The following LARGE1 variants were observed in gnomAD, a reference collection of about 807,000 sequenced individuals.
LARGE1 encodes the protein LARGE xylosyl- and glucuronyltransferase 1, also known as xylosyl- and glucuronyltransferase LARGE1.
Under a neutral mutation model 87.6 loss-of-function variants are expected in LARGE1, and 43 were observed. The observed-to-expected ratio is 0.49, with a 90% CI of 0.38 to 0.63. The LOEUF (loss-of-function observed/expected upper bound fraction) is 0.63, where lower values mean the gene tolerates loss of function less well. LARGE1 is among the 30% of genes least tolerant of loss of function. The pLI, the probability that LARGE1 is intolerant of heterozygous loss-of-function variation, is 0.00. For missense variants in LARGE1, 802 were observed against 1,000.2 expected (o/e 0.80, Z 2.67); for synonymous variants, 434 against 394.6 (o/e 1.10, Z -1.18).
intron 2 of LARGE1, among the ~76,000 whole-genome samples, chr22:33,705,531 C>T (rs1387161410): frequency 6.6e-6 from 1 of 152,204 alleles, no homozygotes; most frequent in East Asian, 1.9e-4. Context: ...TCCAATACCA[C>T]ACAATGCTCA....
chr22:33,102,980 G>A, the LARGE1 span, among the ~76,000 whole-genome samples: 1 of 152,106 alleles, frequency 6.6e-6, no homozygotes, highest in African/African-American at 2.4e-5. Flanking sequence ...GATCTTGGAG[G>A]TTGTGGTATG....
At chr22:33,151,010 G>A in the LARGE1 span, among the ~76,000 whole-genome samples, 4 of 151,922 alleles carry the variant, frequency 2.6e-5, no homozygotes, top group South Asian at 8.3e-4. Context: ...TTTGAGAGGC[G>A]GTGCATTAAA....
intron 2 of LARGE1, among the ~76,000 whole-genome samples, chr22:33,691,716 T>C (rs943674484): frequency 2.0e-5 from 3 of 152,190 alleles, no homozygotes; most frequent in Non-Finnish European, 2.9e-5. Context: ...TGAATCCACT[T>C]AACAATTAGC....
chr22:33,738,597 C>T (rs747742911), intron 2 of LARGE1, among the ~76,000 whole-genome samples: 21 of 152,282 alleles, frequency 1.4e-4, no homozygotes, highest in East Asian at 3.9e-4. Context: ...CGGTGGCTCA[C>T]GCCTGTAATC....
intron 1 of LARGE1, among the ~76,000 whole-genome samples, chr22:33,912,554 C>A (rs2146967659): frequency 6.6e-6 from 1 of 152,254 alleles, no homozygotes; most frequent in African/African-American, 2.4e-5. Flanking sequence ...CCATCTCCAT[C>A]TGCGTCTGCT....
At chr22:33,617,670 C>T (rs532011460) in intron 4 of LARGE1, among the ~76,000 whole-genome samples, 1 of 152,170 alleles carries the variant, frequency 6.6e-6, no homozygotes, top group Non-Finnish European at 1.5e-5. Flanking sequence ...AGAGTGGTCC[C>T]ACATAGCATG....
At chr22:33,220,504 A>C (rs5998819) in intron 11 of LARGE1, among the ~76,000 whole-genome samples, 4,018 of 152,248 alleles carry the variant, frequency 0.026, 177 homozygotes, top group African/African-American at 0.089. Flanking sequence ...GGTGGAGTGA[A>C]AGGGGAAAAA....
chr22:33,466,485 G>T (rs2068614581), intron 6 of LARGE1, among the ~76,000 whole-genome samples: 2 of 148,596 alleles, frequency 1.3e-5, no homozygotes, highest in South Asian at 2.1e-4. Flanking sequence ...ATAAATATTT[G>T]TTGAAGGAAA....
chr22:33,824,527 C>G (rs576129620), intron 1 of LARGE1, among the ~76,000 whole-genome samples: 22 of 152,278 alleles, frequency 1.4e-4, no homozygotes, highest in African/African-American at 5.1e-4. Context: ...ATGGGGATTA[C>G]AATTTGACAA....
chr22:33,778,214 G>A (rs1050420527), intron 1 of LARGE1, among the ~76,000 whole-genome samples: 13 of 152,162 alleles, frequency 8.5e-5, no homozygotes, highest in African/African-American at 3.1e-4. Context: ...CAAGAACCTT[G>A]AACTGTACCC....
intron 6 of LARGE1, among the ~76,000 whole-genome samples, chr22:33,485,026 C>T (rs377084997): frequency 1.4e-4 from 21 of 151,086 alleles, no homozygotes; most frequent in African/African-American, 4.9e-4. Flanking sequence ...ATTCTCCTGC[C>T]TCAGCCTCCT....
At chr22:33,790,205 C>T (rs2145977103) in intron 1 of LARGE1, among the ~76,000 whole-genome samples, 1 of 152,334 alleles carries the variant, frequency 6.6e-6, no homozygotes, top group Admixed American at 6.5e-5. Flanking sequence ...CACAACCTCT[C>T]TTTCCTGCCA....
chr22:33,306,045 C>T (rs1286712038), intron 11 of LARGE1, among the ~76,000 whole-genome samples: 1 of 152,056 alleles, frequency 6.6e-6, no homozygotes, highest in African/African-American at 2.4e-5. Context: ...GGGGTTTCAC[C>T]ATCTTAGCCA....
intron 3 of LARGE1, among the ~76,000 whole-genome samples, chr22:33,633,254 G>A (rs144554169): frequency 6.6e-6 from 1 of 152,286 alleles, no homozygotes; most frequent in African/African-American, 2.4e-5. Flanking sequence ...GGCAAGCTGG[G>A]TGTCTTTGCA....
At chr22:33,841,147 T>C (rs1475300000) in intron 1 of LARGE1, among the ~76,000 whole-genome samples, 1 of 152,206 alleles carries the variant, frequency 6.6e-6, no homozygotes, top group Non-Finnish European at 1.5e-5. Context: ...AACGCAAATT[T>C]TGAACTTGAT....
At chr22:33,698,151 C>T (rs993216731) in intron 2 of LARGE1, among the ~76,000 whole-genome samples, 2 of 152,172 alleles carry the variant, frequency 1.3e-5, no homozygotes, top group Admixed American at 6.5e-5. Flanking sequence ...CTGCTCACTG[C>T]AACCTCTCTC....
rs890197557 is a variant in LARGE1 at position 33,695,204 on chromosome 22, A to G, written c.107-44536T>C. Among the ~76,000 whole-genome samples, 8 of 151,512 alleles carry G rather than the reference A, an allele frequency of 5.3e-5. No homozygotes were observed. The East Asian group carries it at 1.6e-3, about 29-fold the overall frequency. On this transcript the variant is annotated intron_variant, in intron 2 of 14. Transcript: ENST00000397394. ...CTGCAACCTCTGCCTCCCGGGTTCA[A>G]GTGATTCTTGTGCCTCAGCCTCCCG...
chr22:33,837,664 A>T (rs555302016), intron 1 of LARGE1, among the ~76,000 whole-genome samples: 1 of 152,336 alleles, frequency 6.6e-6, no homozygotes, highest in African/African-American at 2.4e-5. Context: ...TCGGAAGAAG[A>T]GCTGACCCAG....
chr22:33,487,677 GAGTAAGAGGATAAAACTC>G (rs1036195064), intron 6 of LARGE1, among the ~76,000 whole-genome samples: 59 of 152,154 alleles, frequency 3.9e-4, no homozygotes, highest in Non-Finnish European at 6.5e-4. Flanking sequence ...TCCTTTAGCT[GAGTAAGAGGATAAAACTC>G]ACTGAAATCT....
Sources: allele counts gnomAD v4.1 joint callset (sites outside exome capture counted in the v4.1 genomes callset), GRCh38; gene constraint gnomAD v4.1.1; transcripts MANE v1.5; gene names NCBI Gene and HGNC (gene_info 2026-07-23, HGNC 2026-07-21).